HEY2: variants seen among roughly 807,000 people sequenced by gnomAD.
HEY2 encodes the protein hairy/enhancer-of-split related with YRPW motif protein 2.
HEY2 carries 10 observed loss-of-function variants against 18.1 expected under a neutral mutation model. The ratio of observed to expected loss-of-function variants is 0.55; its 90% CI spans 0.34 to 0.94. The LOEUF (loss-of-function observed/expected upper bound fraction) is 0.94, where lower values mean the gene tolerates loss of function less well. HEY2 is among the 40% of genes least tolerant of loss of function. HEY2 has a pLI of 0.02. For missense variants in HEY2, 455 were observed against 455.9 expected (o/e 1.00, Z 0.02); for synonymous variants, 210 against 182.7 (o/e 1.15, Z -1.21).
chr6:125,755,480 G>A (rs1290162310), intron 4 of HEY2, among the ~76,000 whole-genome samples: 1 of 152,172 alleles, frequency 6.6e-6, no homozygotes, highest in African/African-American at 2.4e-5. Context: ...AAATCCTGAA[G>A]GCCTCCCGGT....
At chr6:125,752,219 G>T (rs1469946557) in intron 3 of HEY2, 129 bp downstream of exon 3, 21 of 625,680 alleles carry the variant, frequency 3.4e-5, no homozygotes, top group Non-Finnish European at 5.7e-5. Flanking sequence ...AATAGTGTAT[G>T]TGCCCTGATC....
In HEY2 at chr6:125,751,814, T is replaced by C. The variant is rs748854346; in HGVS notation, c.97T>C (p.Ser33Pro). 3 of 1,611,704 alleles carry C rather than the reference T, an allele frequency of 1.9e-6. No individual in the cohort carries two copies. Among genetic ancestry groups the C allele is most frequent in the African/African-American group, 2.7e-5 (2 of 74,878 alleles). Reference protein sequence around the residue: ...ENNYSGQSTSSVIRLNSPTTT... With the variant: ...ENNYSGQSTSPVIRLNSPTTT... ...CTTATTTCATAGGCAAAGTACTAGC[T>C]CTGTGATTAGATTGAATTCTCCAAC... is the stretch of plus-strand genomic sequence containing the variant. Residue 33 changes from serine to proline, a missense_variant, in exon 2 of 5, where the codon TCT (serine) becomes CCT (proline). Transcript: ENST00000368364.
chr6:125,755,233 T>C (rs1773631695), intron 4 of HEY2, among the ~76,000 whole-genome samples: 1 of 151,804 alleles, frequency 6.6e-6, no homozygotes, highest in Non-Finnish European at 1.5e-5. Flanking sequence ...ACTTAGGGAG[T>C]AATTGTCGAG....
intron 4 of HEY2, among the ~76,000 whole-genome samples, chr6:125,756,314 T>C (rs993844217): frequency 2.0e-5 from 3 of 151,888 alleles, no homozygotes; most frequent in Non-Finnish European, 4.4e-5. Context: ...ATGCCTGTAA[T>C]CCCAGCACTT....
intron 3 of HEY2, 36 bp from the exon 4 acceptor site, chr6:125,754,429 A>T (rs374907190): frequency 1.8e-4 from 230 of 1,269,698 alleles, no homozygotes; most frequent in South Asian, 2.4e-4. Flanking sequence ...TTTCTGTAGG[A>T]CATAGGATTA....
chr6:125,751,833 C>A lies in HEY2; in HGVS notation c.116C>A (p.Ser39Tyr), dbSNP rs773905567. 3 of 1,613,534 alleles carry A rather than the reference C, an allele frequency of 1.9e-6. No individual in the cohort carries two copies. The South Asian group carries it at 3.3e-5, about 18-fold the overall frequency. Residue 39 changes from serine (S) to tyrosine (Y), a missense_variant, in exon 2 of 5, where the codon TCT (serine) becomes TAT (tyrosine). Transcript: ENST00000368364. ...ACTAGCTCTGTGATTAGATTGAATTCTCCAACAACAACATCTCAGATTATG... is the reference window on the plus strand; with the variant it reads ...ACTAGCTCTGTGATTAGATTGAATTATCCAACAACAACATCTCAGATTATG... Reference protein sequence around the residue: ...QSTSSVIRLNSPTTTSQIMAR... With the variant: ...QSTSSVIRLNYPTTTSQIMAR...
intron 3 of HEY2, among the ~76,000 whole-genome samples, chr6:125,752,465 T>C (rs1773571676): frequency 1.3e-5 from 2 of 151,882 alleles, no homozygotes; most frequent in South Asian, 4.1e-4. Flanking sequence ...TCAAAATTTT[T>C]TTAAAATGTA....
Position 125,749,682 on chromosome 6 carries a change from A to C in HEY2, c.-95A>C. 1.2e-6 allele frequency: 1 copy of C among 832,270 alleles called. No individual in the cohort carries two copies. Among genetic ancestry groups the C allele is most frequent in the Non-Finnish European group, 1.8e-6 (1 of 560,788 alleles). 51.6% of individuals were successfully genotyped at this position (832,270 alleles called of 1,614,324 possible). A position where few individuals can be genotyped will look rare whatever the true frequency, so the allele number is the denominator to read the frequency against. Reference sequence around the variant, plus strand: ...GCCGCCGCCGGAGCCGCGCCTGCCCAGGCCCGGGGAGGGAGGAGGCGGGCG... The same window carrying C: ...GCCGCCGCCGGAGCCGCGCCTGCCCCGGCCCGGGGAGGGAGGAGGCGGGCG... On this transcript the variant is annotated 5_prime_UTR_variant, in exon 1 of 5. Transcript: ENST00000368364.
At chr6:125,753,093 T>C (rs1269615400) in intron 3 of HEY2, among the ~76,000 whole-genome samples, 3 of 152,238 alleles carry the variant, frequency 2.0e-5, no homozygotes, top group Non-Finnish European at 2.9e-5. Context: ...TTATACATTT[T>C]TAAGACAAAA....
In HEY2 at chr6:125,754,634, T is replaced by C. The variant is rs555531505; in HGVS notation, c.328+88T>C. 4.3e-5 allele frequency: 28 copies of C among 647,672 alleles called. No homozygotes were observed. In the East Asian group the frequency reaches 7.4e-4, roughly 17 times the overall value. 40.1% of individuals were successfully genotyped at this position (647,672 alleles called of 1,614,324 possible). A position where few individuals can be genotyped will look rare whatever the true frequency, so the allele number is the denominator to read the frequency against. On this transcript the variant is annotated intron_variant, in intron 4 of 4. Transcript: ENST00000368364. The stretch of plus-strand genomic sequence containing the variant: ...TCCCCCTAATATTGTAAGGAAGTCA[T>C]AGCTGAACAGTTCTTTAACAAGCTG...
chr6:125,750,132 G>A, intron 1 of HEY2: 1 of 508,114 alleles, frequency 2.0e-6, no homozygotes, highest in Non-Finnish European at 2.5e-6. Flanking sequence ...GGTCCTGGCT[G>A]TCACAGTTGG....
chr6:125,757,977 TA>T (rs1329602244), intron 4 of HEY2, among the ~76,000 whole-genome samples: 4 of 152,222 alleles, frequency 2.6e-5, no homozygotes, highest in Non-Finnish European at 4.4e-5. Context: ...TAAATAACCT[TA>T]TTTGAATGTG....
intron 4 of HEY2, among the ~76,000 whole-genome samples, chr6:125,755,855 A>G (rs1389170325): frequency 6.6e-6 from 1 of 152,202 alleles, no homozygotes; most frequent in African/African-American, 2.4e-5. Context: ...CCTAAGAAAA[A>G]AGTCTGGGCT....
At chr6:125,754,994 TG>T (rs1156412736) in intron 4 of HEY2, among the ~76,000 whole-genome samples, 1 of 152,230 alleles carries the variant, frequency 6.6e-6, no homozygotes, top group East Asian at 1.9e-4. Context: ...AGGCTAAGAC[TG>T]AAAATAATTC....
chr6:125,757,758 G>C (rs905317849), intron 4 of HEY2, among the ~76,000 whole-genome samples: 6 of 152,206 alleles, frequency 3.9e-5, no homozygotes, highest in African/African-American at 1.2e-4. Context: ...AGACCAGTCT[G>C]AGCAACATAG....
chr6:125,750,654 T>C (rs2128527927), intron 1 of HEY2, among the ~76,000 whole-genome samples: 1 of 152,330 alleles, frequency 6.6e-6, no homozygotes, highest in East Asian at 1.9e-4. Flanking sequence ...TTCTAATACA[T>C]ACAAAGCAAA....
chr6:125,750,803 A>T (rs1304664364), intron 1 of HEY2, among the ~76,000 whole-genome samples: 1 of 152,184 alleles, frequency 6.6e-6, no homozygotes, highest in Non-Finnish European at 1.5e-5. Context: ...ACCCGTAAAG[A>T]AGGGGTGAAA....
Position 125,749,760 on chromosome 6 carries a change from G to A in HEY2, c.-17G>A. On this transcript the variant is annotated 5_prime_UTR_variant, in exon 1 of 5. Coordinates refer to ENST00000368364, the MANE Select transcript of HEY2 (RefSeq NM_012259.3). ...CGAGCTTCCGGCCGGGCTGTGCCCC[G>A]CGCGGTCTTCGCCGGGATGAAGCGC... is the stretch of plus-strand genomic sequence containing the variant. 6.4e-7 allele frequency: 1 copy of A among 1,556,690 alleles called. No individual in the cohort carries two copies. The highest frequency in any genetic ancestry group is 8.7e-7 in the Non-Finnish European group (1 of 1,151,046).
chr6:125,750,333 T>G, intron 1 of HEY2: 1 of 985,436 alleles, frequency 1.0e-6, no homozygotes, highest in Non-Finnish European at 1.2e-6. Flanking sequence ...TAGGTTGAAC[T>G]TTGCAGGTTG....
Sources: gnomAD v4.1 joint callset for allele counts (sites outside exome capture counted in the v4.1 genomes callset) on GRCh38, gnomAD v4.1.1 for gene constraint, MANE v1.5 for transcripts, NCBI Gene and HGNC (gene_info 2026-07-23, HGNC 2026-07-21) for gene names.